Variants in CPB2 observed in about 807,000 individuals in gnomAD.
The protein encoded by CPB2 is carboxypeptidase B-like protein.
In CPB2, 54 loss-of-function variants were observed where a neutral mutation model predicts 57.0. The ratio of observed to expected loss-of-function variants is 0.95; its 90% CI spans 0.76 to 1.19. The LOEUF (loss-of-function observed/expected upper bound fraction) is 1.19. CPB2 is among the 50% of genes most tolerant of loss of function. The pLI is 0.00. For synonymous variants in CPB2, 189 were observed against 178.1 expected (o/e 1.06, Z -0.49); for missense variants, 426 against 512.0 (o/e 0.83, Z 1.62).
At chr13:46,088,182 C>A (rs2045239193) in intron 1 of CPB2, among the ~76,000 whole-genome samples, 1 of 152,062 alleles carries the variant, frequency 6.6e-6, no homozygotes, top group Admixed American at 6.5e-5. Flanking sequence ...GCCTGTGAAC[C>A]CATCACCCCA....
Position 46,079,000 on chromosome 13 carries a change from T to TAGA in CPB2, c.385-100_385-99insTCT, listed in dbSNP as rs1446347140. 1.6e-5 allele frequency: 12 copies of TAGA among 731,472 alleles called. No individual in the cohort carries two copies. The African/African-American group carries it at 2.1e-4, about 13-fold the overall frequency. 45.3% of individuals were successfully genotyped at this position (731,472 alleles called of 1,614,324 possible). On this transcript the variant is annotated intron_variant, in intron 4 of 10. Transcript: ENST00000181383. ...ACTTCTTCAGAGAAAGGAAAACCTC[T>TAGA]GTATGTGGAATGCACGAGGACCTAA...
At chr13:46,055,908 G>A (rs1187695133) in intron 9 of CPB2, 59 bp from the exon 10 acceptor site, 3 of 984,208 alleles carry the variant, frequency 3.0e-6, no homozygotes, top group Non-Finnish European at 4.6e-6. Flanking sequence ...ATGACAAGTA[G>A]AAGTTTCTAA....
chr13:46,092,573 G>C (rs2045308590), intron 1 of CPB2, among the ~76,000 whole-genome samples: 1 of 152,186 alleles, frequency 6.6e-6, no homozygotes, highest in Non-Finnish European at 1.5e-5. Context: ...GATAACTTCT[G>C]TTTGTCATTA....
chr13:46,083,757 A>G (rs1367399908), intron 3 of CPB2, among the ~76,000 whole-genome samples: 2 of 152,202 alleles, frequency 1.3e-5, no homozygotes, highest in Non-Finnish European at 2.9e-5. Context: ...GTGCCAGACT[A>G]ACCCGAGGTC....
intron 5 of CPB2, among the ~76,000 whole-genome samples, chr13:46,075,452 C>A (rs951613027): frequency 6.6e-6 from 1 of 152,208 alleles, no homozygotes; most frequent in Non-Finnish European, 1.5e-5. Flanking sequence ...ACCAAACCAT[C>A]CAGAATGCAT....
chr13:46,086,087 G>A (rs1426396444), intron 2 of CPB2, among the ~76,000 whole-genome samples: 2 of 152,166 alleles, frequency 1.3e-5, no homozygotes, highest in Non-Finnish European at 2.9e-5. Context: ...GGCTGGCACC[G>A]GGGAAGGTGG....
chr13:46,058,440 G>A lies in CPB2; in HGVS notation c.797-59C>T, dbSNP rs1011572411. 3.4e-6 allele frequency: 5 copies of A among 1,480,850 alleles called. No homozygotes were observed. The African/African-American group carries it at 6.9e-5, about 21-fold the overall frequency. The allele number at this position is 1,480,850 out of a possible 1,614,324, so 91.7% of individuals were successfully genotyped here. ...GGATGCACATAGTACTGTAATTTGT[G>A]GTTTCCCAGACAACGTATTCTCCTA... On this transcript the variant is annotated intron_variant, in intron 8 of 10. Coordinates refer to ENST00000181383, the MANE Select transcript of CPB2 (RefSeq NM_001872.5).
chr13:46,072,788 C>G (rs906154396), intron 6 of CPB2, among the ~76,000 whole-genome samples: 1 of 152,110 alleles, frequency 6.6e-6, no homozygotes, highest in Non-Finnish European at 1.5e-5. Flanking sequence ...AATAAATGTT[C>G]TTACTCTCCT....
chr13:46,079,551 A>AAAAAAAAAAAAAAAG (rs2045078862), intron 4 of CPB2, among the ~76,000 whole-genome samples: 11 of 124,692 alleles, frequency 8.8e-5, no homozygotes, highest in African/African-American at 1.0e-4. Context: ...AAAAAAAAAA[A>AAAAAAAAAAAAAAAG]AAAAGAAAAG....
chr13:46,058,740 TG>T (rs1370617190), intron 8 of CPB2, among the ~76,000 whole-genome samples: 1 of 152,198 alleles, frequency 6.6e-6, no homozygotes, highest in African/African-American at 2.4e-5. Context: ...TTCTGATATT[TG>T]TAGTTTTAAA....
intron 6 of CPB2, 91 bp from the exon 7 acceptor site, chr13:46,067,508 G>A (rs557360108): frequency 2.9e-6 from 2 of 696,830 alleles, no homozygotes; most frequent in Non-Finnish European, 4.9e-6. Context: ...TTGTCATTTG[G>A]CATGTTTAGA....
intron 1 of CPB2, chr13:46,101,092 G>C (rs904318157): frequency 4.0e-5 from 6 of 149,994 alleles, no homozygotes; most frequent in African/African-American, 1.5e-4. Flanking sequence ...TTTTTTTTTT[G>C]TACTAACGAG....
intron 9 of CPB2, among the ~76,000 whole-genome samples, chr13:46,056,317 A>G (rs2044696190): frequency 6.6e-6 from 1 of 152,156 alleles, no homozygotes; most frequent in South Asian, 2.1e-4. Context: ...CTTGTGTAAA[A>G]TGTCTAATGA....
chr13:46,079,967 A>C (rs978946717), intron 4 of CPB2, among the ~76,000 whole-genome samples: 2 of 152,136 alleles, frequency 1.3e-5, no homozygotes, highest in African/African-American at 4.8e-5. Context: ...CAATTTCCTA[A>C]TTGAATCTCC....
chr13:46,072,116 G>T (rs1027941020), intron 6 of CPB2, among the ~76,000 whole-genome samples: 1 of 152,140 alleles, frequency 6.6e-6, no homozygotes, highest in African/African-American at 2.4e-5. Context: ...TTTGCCTCCC[G>T]AGAGTACATG....
At position 46,073,873 on chromosome 13, in the gene CPB2, A is replaced by C; in HGVS notation, c.591T>G (p.His197Gln). 6.5e-7 allele frequency: 1 copy of C among 1,540,752 alleles called. No homozygotes were observed. The highest frequency in any genetic ancestry group is 8.9e-7 in the Non-Finnish European group (1 of 1,125,876). The change falls in exon 6 of 11, where the codon CAT becomes CAG. Residue 197 changes from histidine to glutamine, a missense_variant and splice_region_variant. Physicochemically the swap from His to Gln is conservative, Grantham distance 24. Transcript: ENST00000181383. ...SPAFCLWFIG[H>Q]ITQFYGIIGQ... ...GGGTTAAGAGAATGTGAATACTTAC[A>C]TGGCCTATGAACCACAAGCAGAAAG...
At chr13:46,092,804 C>T (rs1452862152) in intron 1 of CPB2, among the ~76,000 whole-genome samples, 1 of 152,144 alleles carries the variant, frequency 6.6e-6, no homozygotes, top group African/African-American at 2.4e-5. Context: ...GTCTTGAATG[C>T]ATGCTGAGAA....
intron 8 of CPB2, among the ~76,000 whole-genome samples, chr13:46,060,160 C>T (rs2044751246): frequency 6.6e-6 from 1 of 152,136 alleles, no homozygotes; most frequent in Admixed American, 6.6e-5. Flanking sequence ...CAAGTTACCA[C>T]TTTAAGAAAA....
chr13:46,084,301 T>A lies in CPB2; in HGVS notation c.193A>T (p.Lys65Ter). The A allele has an allele frequency of 6.2e-7, 1 of 1,614,176 alleles. No homozygotes were observed. The highest frequency in any genetic ancestry group is 1.1e-5 in the South Asian group (1 of 91,078). ...QPVTADLIVK[K>*]KQVHFFVNAS... is the part of the protein sequence containing the mutation. Reference sequence around the variant, plus strand: ...TTTACAAAAAAATGGACTTGTTTTTTCTTCACAATAAGGTCAGCTGTTACC... The same window carrying A: ...TTTACAAAAAAATGGACTTGTTTTTACTTCACAATAAGGTCAGCTGTTACC... Residue 65 changes from lysine (K) to a stop codon, truncating the protein, a stop_gained, in exon 3 of 11, where the codon AAA becomes TAA. Transcript: ENST00000181383. LOFTEE classifies it high-confidence loss of function.
Sources: allele counts gnomAD v4.1 joint callset (sites outside exome capture counted in the v4.1 genomes callset), GRCh38; gene constraint gnomAD v4.1.1; transcripts MANE v1.5; gene names NCBI Gene and HGNC (gene_info 2026-07-23, HGNC 2026-07-21).